Variants in CLEC16A observed in about 807,000 individuals in gnomAD.
CLEC16A encodes the protein C-type lectin domain containing 16A.
CLEC16A carries 51 observed loss-of-function variants against 109.5 expected under a neutral mutation model. The observed-to-expected ratio is 0.47, with a 90% CI of 0.37 to 0.59. The LOEUF (loss-of-function observed/expected upper bound fraction) is 0.59. Among genes scored for constraint, CLEC16A ranks in the 20% least tolerant of loss-of-function variants. CLEC16A has a pLI of 0.00. For synonymous variants in CLEC16A, 673 were observed against 564.2 expected, an observed-to-expected ratio of 1.19 and a Z score of -2.73; for missense variants, 1,339 against 1,394.0, an observed-to-expected ratio of 0.96 and a Z score of 0.63.
At chr16:10,955,618 T>A (rs911025763) in intron 1 of CLEC16A, among the ~76,000 whole-genome samples, 7 of 152,264 alleles carry the variant, frequency 4.6e-5, no homozygotes, top group Admixed American at 3.9e-4. Flanking sequence ...AGTCATGTGG[T>A]CCTAAAGAAT....
chr16:11,139,890 CTA>C (rs1448932476), intron 22 of CLEC16A, among the ~76,000 whole-genome samples: 1 of 152,212 alleles, frequency 6.6e-6, no homozygotes, highest in East Asian at 1.9e-4. Flanking sequence ...TGAATGCCAA[CTA>C]TGTGCTAGGC....
chr16:11,006,158 G>C (rs1597009486), intron 11 of CLEC16A, among the ~76,000 whole-genome samples: 1 of 152,126 alleles, frequency 6.6e-6, no homozygotes, highest in Admixed American at 6.5e-5. Flanking sequence ...CTTCCCAGTG[G>C]CTGCCACTGA....
Position 10,957,827 on chromosome 16 carries a change from G to A in CLEC16A, c.126G>A (p.Gln42=). ...CCAAAAACACCACAGTCACAGAACA[G>A]AACCGGAACCTGCTAGTGGAGACCA... ...VLTKNTTVTE[Q]NRNLLVETIR... The change falls in exon 2 of 24, where the codon CAG becomes CAA. Residue 42 remains glutamine, a synonymous_variant. Coordinates refer to ENST00000409790, the MANE Select transcript of CLEC16A (RefSeq NM_015226.3). 1 of 1,613,804 alleles carries A rather than the reference G, an allele frequency of 6.2e-7. No homozygotes were observed.
intron 21 of CLEC16A, among the ~76,000 whole-genome samples, chr16:11,124,950 G>A (rs545051138): frequency 5.9e-5 from 9 of 152,318 alleles, no homozygotes; most frequent in Admixed American, 1.3e-4. Flanking sequence ...TGAGCCAGGC[G>A]TGGTGGCATA....
At chr16:10,969,730 C>T (rs1000337567) in intron 4 of CLEC16A, among the ~76,000 whole-genome samples, 1 of 152,118 alleles carries the variant, frequency 6.6e-6, no homozygotes, top group African/African-American at 2.4e-5. Context: ...CAGATGTTGT[C>T]TTGGGGAAGT....
At chr16:10,956,762 G>A (rs930836586) in intron 1 of CLEC16A, among the ~76,000 whole-genome samples, 2 of 152,188 alleles carry the variant, frequency 1.3e-5, no homozygotes, top group African/African-American at 4.8e-5. Context: ...TGTTTGGGTA[G>A]ATGAAGTACA....
At chr16:10,971,469 G>T in intron 5 of CLEC16A, 1 of 775,852 alleles carries the variant, frequency 1.3e-6, no homozygotes, top group Non-Finnish European at 1.6e-6. Context: ...GAAGTAGGAT[G>T]TCCTGAGAGG....
At chr16:11,132,279 C>G (rs994338739) in intron 22 of CLEC16A, among the ~76,000 whole-genome samples, 2 of 143,968 alleles carry the variant, frequency 1.4e-5, no homozygotes, top group African/African-American at 2.6e-5. Context: ...ATCCACTAAT[C>G]TGCTTTCTGT....
chr16:10,956,632 T>A (rs1228485314), intron 1 of CLEC16A, among the ~76,000 whole-genome samples: 1 of 152,178 alleles, frequency 6.6e-6, no homozygotes, highest in African/African-American at 2.4e-5. Context: ...GCTAGGCTTC[T>A]GGTCCCCGCG....
At chr16:11,066,756 G>A (rs1161713593) in intron 19 of CLEC16A, 1 of 152,160 alleles carries the variant, frequency 6.6e-6, no homozygotes, top group Admixed American at 6.5e-5. Context: ...CCTGAAACCT[G>A]CAGAGAAACG....
intron 22 of CLEC16A, among the ~76,000 whole-genome samples, chr16:11,129,999 T>C (rs2053094816): frequency 1.3e-5 from 2 of 152,166 alleles, no homozygotes. Context: ...CCTGACATTG[T>C]GATCCGCCTG....
At chr16:10,990,573 G>A (rs1001226503) in intron 10 of CLEC16A, among the ~76,000 whole-genome samples, 2 of 152,234 alleles carry the variant, frequency 1.3e-5, no homozygotes, top group African/African-American at 2.4e-5. Context: ...GCTACATCCT[G>A]GAGAAGCCAA....
intron 22 of CLEC16A, among the ~76,000 whole-genome samples, chr16:11,150,858 T>C (rs2054266014): frequency 1.3e-5 from 2 of 152,202 alleles, no homozygotes; most frequent in South Asian, 2.1e-4. Flanking sequence ...GGTGTTTTGC[T>C]GGCAATCTTT....
At chr16:11,016,361 T>A (rs1056808844) in intron 11 of CLEC16A, among the ~76,000 whole-genome samples, 3 of 151,666 alleles carry the variant, frequency 2.0e-5, no homozygotes, top group Admixed American at 2.0e-4. Context: ...TTTCTTTTTT[T>A]TTTTTGAAAC....
At chr16:11,008,253 C>T (rs927991967) in intron 11 of CLEC16A, among the ~76,000 whole-genome samples, 2 of 152,060 alleles carry the variant, frequency 1.3e-5, no homozygotes, top group Non-Finnish European at 2.9e-5. Flanking sequence ...TTGCTGTGAT[C>T]GCTGGAATAT....
intron 22 of CLEC16A, among the ~76,000 whole-genome samples, chr16:11,134,166 G>T (rs1027289168): frequency 8.8e-5 from 13 of 147,338 alleles, no homozygotes; most frequent in Non-Finnish European, 1.8e-4. Flanking sequence ...TAGCTAATGT[G>T]AATTCCCCTT....
chr16:11,109,214 G>A (rs1475608202), intron 19 of CLEC16A, among the ~76,000 whole-genome samples: 1 of 149,712 alleles, frequency 6.7e-6, no homozygotes, highest in Non-Finnish European at 1.5e-5. Context: ...CACCCAGGCA[G>A]TGGTGCAGTG....
chr16:11,028,406 C>G (rs2046546917), intron 13 of CLEC16A, among the ~76,000 whole-genome samples: 1 of 152,188 alleles, frequency 6.6e-6, no homozygotes, highest in South Asian at 2.1e-4. Context: ...ACAAGGCTCC[C>G]TAAGACTCCT....
At chr16:11,132,006 A>G (rs1196697010) in intron 22 of CLEC16A, among the ~76,000 whole-genome samples, 1 of 152,196 alleles carries the variant, frequency 6.6e-6, no homozygotes, top group African/African-American at 2.4e-5. Context: ...CGATACCTCA[A>G]AAAGGGGCCT....
Sources: allele counts gnomAD v4.1 joint callset (sites outside exome capture counted in the v4.1 genomes callset), GRCh38; gene constraint gnomAD v4.1.1; transcripts MANE v1.5; gene names NCBI Gene and HGNC (gene_info 2026-07-23, HGNC 2026-07-21).